Variants in MYO3B observed in about 807,000 individuals in gnomAD.
MYO3B encodes myosin-IIIb.
A neutral mutation model predicts 174.6 loss-of-function variants in MYO3B; 156 were observed. The ratio of observed to expected loss-of-function variants is 0.89; its 90% CI spans 0.78 to 1.02. The LOEUF (loss-of-function observed/expected upper bound fraction) is 1.02. Among genes scored for constraint, MYO3B ranks in the 50% least tolerant of loss-of-function variants. The probability of loss-of-function intolerance (pLI) is 0.00; values close to 1 mark genes in which losing one functional copy is unlikely to be tolerated. For synonymous variants in MYO3B, 563 were observed against 569.1 expected (o/e 0.99, Z 0.15); for missense variants, 1,632 against 1,639.4 (o/e 1.00, Z 0.08).
At chr2:170,555,634 G>A (rs1280039071) in intron 32 of MYO3B, among the ~76,000 whole-genome samples, 5 of 152,108 alleles carry the variant, frequency 3.3e-5, no homozygotes, top group Non-Finnish European at 5.9e-5. Context: ...CACTTTGGGA[G>A]GCTGAGGTGG....
chr2:170,501,278 C>T (rs1687253473), intron 27 of MYO3B, among the ~76,000 whole-genome samples: 1 of 152,204 alleles, frequency 6.6e-6, no homozygotes, highest in Admixed American at 6.5e-5. Context: ...AATTCACTCA[C>T]AGCAAATGAC....
intron 7 of MYO3B, among the ~76,000 whole-genome samples, chr2:170,319,952 T>C (rs1318470721): frequency 6.6e-6 from 1 of 152,068 alleles, no homozygotes; most frequent in Admixed American, 6.6e-5. Flanking sequence ...GAAGTTAAAA[T>C]AAAGGAAACC....
At chr2:170,285,124 T>C (rs1230450469) in intron 7 of MYO3B, among the ~76,000 whole-genome samples, 1 of 152,208 alleles carries the variant, frequency 6.6e-6, no homozygotes, top group East Asian at 1.9e-4. Flanking sequence ...TTCTTACTGA[T>C]GGGTGGGCAT....
chr2:170,596,397 C>T (rs924681446), intron 32 of MYO3B, among the ~76,000 whole-genome samples: 3 of 152,200 alleles, frequency 2.0e-5, no homozygotes, highest in African/African-American at 7.2e-5. Context: ...TTGACTGTTA[C>T]CATTTCCAGC....
chr2:170,471,897 A>G (rs1684997155), intron 25 of MYO3B, among the ~76,000 whole-genome samples: 1 of 151,560 alleles, frequency 6.6e-6, no homozygotes, highest in African/African-American at 2.4e-5. Flanking sequence ...AGGCGGAGGC[A>G]GGAGAATTGC....
intron 16 of MYO3B, among the ~76,000 whole-genome samples, chr2:170,397,815 G>C (rs961700880): frequency 1.3e-5 from 2 of 152,178 alleles, no homozygotes; most frequent in African/African-American, 4.8e-5. Context: ...ACTTCTGACT[G>C]ACTGGCTATA....
chr2:170,286,956 A>G (rs779196303), intron 7 of MYO3B, among the ~76,000 whole-genome samples: 26 of 152,074 alleles, frequency 1.7e-4, no homozygotes, highest in Non-Finnish European at 3.4e-4. Flanking sequence ...TTGAGCTCCC[A>G]CATATGAATG....
intron 6 of MYO3B, among the ~76,000 whole-genome samples, chr2:170,217,665 GT>G (rs1391158504): frequency 6.6e-6 from 1 of 152,184 alleles, no homozygotes; most frequent in Non-Finnish European, 1.5e-5. Context: ...CAAGGGCCAT[GT>G]CTTGGCAAAT....
At chr2:170,538,681 C>T (rs1310350632) in intron 30 of MYO3B, among the ~76,000 whole-genome samples, 5 of 152,184 alleles carry the variant, frequency 3.3e-5, no homozygotes, top group Admixed American at 2.0e-4. Context: ...CAGAAGGGTT[C>T]TCAACGGTGA....
At chr2:170,646,662 T>C (rs978970271) in intron 32 of MYO3B, among the ~76,000 whole-genome samples, 8 of 152,166 alleles carry the variant, frequency 5.3e-5, no homozygotes, top group African/African-American at 1.9e-4. Flanking sequence ...TCCCAAAGTG[T>C]TGGGATTACA....
At chr2:170,369,927 G>C (rs2094227860) in intron 9 of MYO3B, among the ~76,000 whole-genome samples, 1 of 151,712 alleles carries the variant, frequency 6.6e-6, no homozygotes, top group African/African-American at 2.4e-5. Context: ...ACATTTTTCA[G>C]GTATTTCTTA....
At chr2:170,275,995 G>A (rs1458961656) in intron 7 of MYO3B, among the ~76,000 whole-genome samples, 1 of 152,138 alleles carries the variant, frequency 6.6e-6, no homozygotes, top group East Asian at 1.9e-4. Context: ...TCCTGTCTGC[G>A]ATGGCTGAGG....
intron 25 of MYO3B, among the ~76,000 whole-genome samples, chr2:170,470,957 G>T (rs974806409): frequency 1.3e-5 from 2 of 149,870 alleles, no homozygotes; most frequent in African/African-American, 4.9e-5. Flanking sequence ...TTATCACATA[G>T]ATAATTTGCA....
chr2:170,473,578 T>G (rs767673687), intron 25 of MYO3B, among the ~76,000 whole-genome samples: 19 of 152,278 alleles, frequency 1.2e-4, no homozygotes, highest in Non-Finnish European at 2.2e-4. Context: ...CAACCTAGAT[T>G]GATAGAATGT....
chr2:170,401,761 A>G (rs2094477737), intron 18 of MYO3B, 70 bp downstream of exon 18: 14 of 1,425,134 alleles, frequency 9.8e-6, no homozygotes, highest in East Asian at 2.3e-5. Flanking sequence ...AGAGTTTGCA[A>G]AAGGAAGCAT....
intron 7 of MYO3B, among the ~76,000 whole-genome samples, chr2:170,294,071 A>G (rs1407353820): frequency 1.3e-5 from 2 of 152,134 alleles, no homozygotes; most frequent in East Asian, 3.8e-4. Context: ...GCTTCATTCA[A>G]TAGGAGAGAC....
At chr2:170,297,216 G>T (rs960322626) in intron 7 of MYO3B, among the ~76,000 whole-genome samples, 1 of 152,040 alleles carries the variant, frequency 6.6e-6, no homozygotes, top group Non-Finnish European at 1.5e-5. Flanking sequence ...GGATGTAAGA[G>T]CTCACCTTAG....
intron 8 of MYO3B, among the ~76,000 whole-genome samples, chr2:170,368,422 C>A (rs2094214323): frequency 6.6e-6 from 1 of 152,180 alleles, no homozygotes; most frequent in African/African-American, 2.4e-5. Context: ...TTCAATTTCA[C>A]TAGAAATTTC....
chr2:170,305,844 C>T (rs1282963199), intron 7 of MYO3B, among the ~76,000 whole-genome samples: 1 of 152,206 alleles, frequency 6.6e-6, no homozygotes, highest in Non-Finnish European at 1.5e-5. Context: ...CCCTCAGCCT[C>T]CTGTGTAGCT....
Sources: allele counts gnomAD v4.1 joint callset (sites outside exome capture counted in the v4.1 genomes callset), GRCh38; gene constraint gnomAD v4.1.1; transcripts MANE v1.5; gene names NCBI Gene and HGNC (gene_info 2026-07-23, HGNC 2026-07-21).